Variants in LIMD1 observed in about 807,000 individuals in gnomAD.
LIMD1 encodes LIM domain-containing protein 1.
Under a neutral mutation model 58.4 loss-of-function variants are expected in LIMD1, and 23 were observed. That is an observed-to-expected ratio of 0.39 (90% CI 0.28 to 0.56). The LOEUF (loss-of-function observed/expected upper bound fraction) is 0.56, where lower values mean the gene tolerates loss of function less well. Among genes scored for constraint, LIMD1 ranks in the 20% least tolerant of loss-of-function variants. The pLI, the probability that LIMD1 is intolerant of heterozygous loss-of-function variation, is 0.57. For missense variants in LIMD1, 838 were observed against 855.5 expected (o/e 0.98, Z 0.25); for synonymous variants, 334 against 345.5 (o/e 0.97, Z 0.37).
At chr3:45,615,495 A>G (rs1184340865) in intron 1 of LIMD1, among the ~76,000 whole-genome samples, 4 of 152,144 alleles carry the variant, frequency 2.6e-5, no homozygotes, top group South Asian at 4.1e-4. Flanking sequence ...CTGGCTGGGC[A>G]GTAATCCCAG....
At chr3:45,653,017 C>A (rs190131931) in intron 2 of LIMD1, among the ~76,000 whole-genome samples, 2 of 152,180 alleles carry the variant, frequency 1.3e-5, no homozygotes, top group East Asian at 1.9e-4. Flanking sequence ...GAGATGAGAA[C>A]GTTTAGAGAC....
In LIMD1 at chr3:45,677,112, T is replaced by G; in HGVS notation, c.*53T>G. On this transcript the variant is annotated 3_prime_UTR_variant, in exon 8 of 8. Coordinates refer to ENST00000273317, the MANE Select transcript of LIMD1 (RefSeq NM_014240.3). The stretch of plus-strand genomic sequence containing the variant: ...GGGGATGAGGAGCCGGGGTTGCTGC[T>G]GCTGCTTCCGGTGGCCCCTGGGGTG... 6.3e-7 allele frequency: 1 copy of G among 1,590,900 alleles called. No individual in the cohort carries two copies. Among genetic ancestry groups the G allele is most frequent in the Non-Finnish European group, 8.6e-7 (1 of 1,167,548 alleles).
intron 2 of LIMD1, among the ~76,000 whole-genome samples, chr3:45,641,297 C>G (rs1701839934): frequency 6.6e-6 from 1 of 152,162 alleles, no homozygotes; most frequent in Admixed American, 6.5e-5. Flanking sequence ...GTTCTCCCTC[C>G]TCTGATTTAT....
In LIMD1 at chr3:45,683,177, A is replaced by C. The variant is rs570499093; in HGVS notation, c.*6118A>C. On this transcript the variant is annotated 3_prime_UTR_variant, in exon 8 of 8. Transcript: ENST00000273317. ...TTGTGATTCTTAATAACATCTGCAA[A>C]GCCTCTTTTACCTTGCAGAATAAGA... 2.0e-5 allele frequency: 3 copies of C among 152,358 alleles called. No individual in the cohort carries two copies. The South Asian group carries it at 6.2e-4, about 32-fold the overall frequency. 9.4% of individuals were successfully genotyped at this position (152,358 alleles called of 1,614,324 possible).
chr3:45,633,515 T>G (rs901967957), intron 1 of LIMD1, among the ~76,000 whole-genome samples: 4 of 152,146 alleles, frequency 2.6e-5, no homozygotes, highest in Non-Finnish European at 5.9e-5. Context: ...GCATCAAGAA[T>G]GGGATGGATT....
At chr3:45,639,170 C>T (rs1267885467) in intron 2 of LIMD1, among the ~76,000 whole-genome samples, 1 of 152,186 alleles carries the variant, frequency 6.6e-6, no homozygotes, top group Non-Finnish European at 1.5e-5. Context: ...ACACCTGACC[C>T]TTGAGCATTT....
intron 2 of LIMD1, among the ~76,000 whole-genome samples, chr3:45,638,654 A>G (rs1028758061): frequency 3.3e-5 from 5 of 152,268 alleles, no homozygotes; most frequent in South Asian, 2.1e-4. Context: ...TTTTCTTTGC[A>G]TATATATCCA....
chr3:45,662,665 T>C (rs908189762), intron 2 of LIMD1, among the ~76,000 whole-genome samples: 23 of 152,294 alleles, frequency 1.5e-4, no homozygotes, highest in African/African-American at 5.3e-4. Flanking sequence ...TTACCATATA[T>C]ACTATTGTCA....
chr3:45,626,528 AG>A (rs1280202111), intron 1 of LIMD1, among the ~76,000 whole-genome samples: 1 of 152,360 alleles, frequency 6.6e-6, no homozygotes, highest in East Asian at 1.9e-4. Context: ...ATTCTGGAAA[AG>A]GCAAAACTTT....
intron 2 of LIMD1, among the ~76,000 whole-genome samples, chr3:45,645,995 A>C (rs1292606923): frequency 1.4e-5 from 2 of 147,956 alleles, no homozygotes; most frequent in African/African-American, 5.0e-5. Flanking sequence ...GTGCCACTGC[A>C]CTCCAGCCTG....
chr3:45,662,604 T>C (rs1575364449), intron 2 of LIMD1, among the ~76,000 whole-genome samples: 1 of 152,074 alleles, frequency 6.6e-6, no homozygotes, highest in African/African-American at 2.4e-5. Flanking sequence ...TCCCATCCTC[T>C]CCCTTCCTTC....
At chr3:45,642,512 T>G (rs1191666810) in intron 2 of LIMD1, among the ~76,000 whole-genome samples, 1 of 152,242 alleles carries the variant, frequency 6.6e-6, no homozygotes, top group Non-Finnish European at 1.5e-5. Context: ...AAACCTGTTA[T>G]GTTAGCATTG....
At chr3:45,665,622 TACCC>T in intron 2 of LIMD1, 24 bp from the exon 3 acceptor site, 1 of 1,602,578 alleles carries the variant, frequency 6.2e-7, no homozygotes, top group African/African-American at 1.3e-5. Context: ...TTTCTTTTTT[TACCC>T]TGTGTTTGTG....
At chr3:45,668,143 C>T in intron 3 of LIMD1, 151 bp from the exon 4 acceptor site, 1 of 620,902 alleles carries the variant, frequency 1.6e-6, no homozygotes, top group Non-Finnish European at 2.9e-6. Context: ...TATGACTCAG[C>T]CCACAGCTGT....
chr3:45,594,787 A>G lies in LIMD1; in HGVS notation c.-93A>G. The G allele has an allele frequency of 1.5e-5, 1 of 65,716 alleles. No individual in the cohort carries two copies. The highest frequency in any genetic ancestry group is 2.5e-5 in the Non-Finnish European group (1 of 40,054). The allele number at this position is 65,716 out of a possible 1,614,324, so 4.1% of individuals were successfully genotyped here. A position where few individuals can be genotyped will look rare whatever the true frequency, so the allele number is the denominator to read the frequency against. On this transcript the variant is annotated 5_prime_UTR_variant, in exon 1 of 8. Transcript: ENST00000273317. ...TCTCCCCGCTGCCCTCAACACACAC[A>G]CACACACACACACACACACACACAC...
chr3:45,666,176 G>A (rs1055045195), intron 3 of LIMD1, among the ~76,000 whole-genome samples: 3 of 152,066 alleles, frequency 2.0e-5, no homozygotes, highest in Non-Finnish European at 2.9e-5. Context: ...AACCCCTCAC[G>A]TACCAGCCCC....
intron 7 of LIMD1, 148 bp downstream of exon 7, chr3:45,674,559 TTC>T: frequency 1.6e-6 from 1 of 624,950 alleles, no homozygotes; most frequent in Non-Finnish European, 2.9e-6. Flanking sequence ...TGAAGGCTGG[TTC>T]TTGGGGGAGG....
At chr3:45,650,709 T>G (rs182242199) in intron 2 of LIMD1, among the ~76,000 whole-genome samples, 4,589 of 152,210 alleles carry the variant, frequency 0.03, 75 homozygotes, top group Non-Finnish European at 0.041. Context: ...GTGTATATGT[T>G]CCACATTTTC....
chr3:45,673,737 G>C lies in LIMD1; in HGVS notation c.1824+232G>C. On this transcript the variant is annotated intron_variant, in intron 6 of 7. Coordinates refer to ENST00000273317, the MANE Select transcript of LIMD1 (RefSeq NM_014240.3). ...AAGAACAGCCTGGGCAACATAGCAA[G>C]ACCTCATCTCTACAAAAAATTGTTA... 3 of 562,048 alleles carry C rather than the reference G, an allele frequency of 5.3e-6. No homozygotes were observed. The South Asian group carries it at 6.4e-5, about 12-fold the overall frequency. The allele number at this position is 562,048 out of a possible 1,614,324, so 34.8% of individuals were successfully genotyped here.
Sources: gnomAD v4.1 joint callset for allele counts (sites outside exome capture counted in the v4.1 genomes callset) on GRCh38, gnomAD v4.1.1 for gene constraint, MANE v1.5 for transcripts, NCBI Gene and HGNC (gene_info 2026-07-23, HGNC 2026-07-21) for gene names.